The following DOCK2 variants were observed in gnomAD, a reference collection of about 807,000 sequenced individuals.
The protein encoded by DOCK2 is dedicator of cytokinesis 2.
In DOCK2, 87 loss-of-function variants were observed where a neutral mutation model predicts 248.9. That is an observed-to-expected ratio of 0.35 (90% CI 0.29 to 0.42). The LOEUF (loss-of-function observed/expected upper bound fraction) is 0.42. Among genes scored for constraint, DOCK2 ranks in the 10% least tolerant of loss-of-function variants. The probability of loss-of-function intolerance (pLI) is 1.00; values close to 1 mark genes in which losing one functional copy is unlikely to be tolerated. For synonymous variants in DOCK2, 805 were observed against 821.6 expected (o/e 0.98, Z 0.35); for missense variants, 1,747 against 2,300.2 (o/e 0.76, Z 4.92).
intron 50 of DOCK2, 85 bp downstream of exon 50, chr5:170,080,368 G>A (rs1008027666): frequency 2.5e-6 from 4 of 1,575,812 alleles, no homozygotes; most frequent in Non-Finnish European, 3.5e-6. Context: ...TGGGAACTGT[G>A]TCTACACAAC....
chr5:169,814,903 TC>T (rs1397387349), intron 26 of DOCK2, among the ~76,000 whole-genome samples: 1 of 152,114 alleles, frequency 6.6e-6, no homozygotes, highest in African/African-American at 2.4e-5. Context: ...ACTAGAAGGT[TC>T]CATTTGCAAA....
In DOCK2 at chr5:169,864,465, A is replaced by G. The variant is rs547481241; in HGVS notation, c.2799+23613A>G. On this transcript the variant is annotated intron_variant, in intron 27 of 51. Coordinates refer to ENST00000520908, the MANE Select transcript of DOCK2 (RefSeq NM_004946.3). ...GCCGAAAATCATACTCTACACTGAA[A>G]AACACAGAGAGGAAGGAAGGAAAGT... 4.5e-5 allele frequency: 69 copies of G among 1,520,242 alleles called. 1 individual carries two copies. In the South Asian group the frequency reaches 8.7e-4, roughly 19 times the overall value. The allele number at this position is 1,520,242 out of a possible 1,614,324, so 94.2% of individuals were successfully genotyped here.
intron 25 of DOCK2, among the ~76,000 whole-genome samples, chr5:169,787,317 G>A (rs1766046959): frequency 6.6e-6 from 1 of 152,160 alleles, no homozygotes; most frequent in South Asian, 2.1e-4. Flanking sequence ...TGGGCTGACG[G>A]GCTGTGCATG....
At chr5:169,890,001 AT>A (rs11327558) in intron 27 of DOCK2, among the ~76,000 whole-genome samples, 28,787 of 152,194 alleles carry the variant, frequency 0.19, 4,324 homozygotes, top group African/African-American at 0.42. Flanking sequence ...CTTATAAAGC[AT>A]TTTCAAATCC....
chr5:169,670,671 C>A lies in DOCK2; in HGVS notation c.224+74C>A, dbSNP rs1454453491. On this transcript the variant is annotated intron_variant, in intron 4 of 51. Transcript: ENST00000520908. ...TCTCTGTCCTGTTTATTTTGAAAATCTGACTTGGAAGAGCTGAGGGTTGCT... is the reference window on the plus strand; with the variant it reads ...TCTCTGTCCTGTTTATTTTGAAAATATGACTTGGAAGAGCTGAGGGTTGCT... 5 of 1,564,056 alleles carry A rather than the reference C, an allele frequency of 3.2e-6. No homozygotes were observed. The South Asian group carries it at 4.7e-5, about 15-fold the overall frequency.
intron 26 of DOCK2, among the ~76,000 whole-genome samples, chr5:169,828,325 A>T (rs1769005929): frequency 6.6e-6 from 1 of 152,204 alleles, no homozygotes; most frequent in Non-Finnish European, 1.5e-5. Flanking sequence ...GGTAGAATTA[A>T]TCCCTAAGCA....
At chr5:169,659,025 T>C (rs1307763761) in intron 2 of DOCK2, among the ~76,000 whole-genome samples, 1 of 125,302 alleles carries the variant, frequency 8.0e-6, no homozygotes, top group African/African-American at 2.9e-5. Flanking sequence ...TTATTATTAT[T>C]ATTATTATTG....
intron 49 of DOCK2, 200 bp from the exon 50 acceptor site, chr5:170,079,963 G>A (rs1434545072): frequency 8.4e-6 from 6 of 712,672 alleles, no homozygotes; most frequent in East Asian, 2.8e-5. Context: ...ACCCCCGCCT[G>A]TAGTTGTGTA....
At chr5:169,752,619 C>T (rs1763960051) in intron 23 of DOCK2, among the ~76,000 whole-genome samples, 1 of 151,834 alleles carries the variant, frequency 6.6e-6, no homozygotes, top group African/African-American at 2.4e-5. Context: ...GGGGGCCTGC[C>T]CATGCCTAGT....
Position 169,714,222 on chromosome 5 carries a change from C to A in DOCK2, c.1843+11C>A, listed in dbSNP as rs1561628473. On this transcript the variant is annotated intron_variant, in intron 18 of 51. Coordinates refer to ENST00000520908, the MANE Select transcript of DOCK2 (RefSeq NM_004946.3). ...AGCTCACTCAGAATGGTAATCGGGT[C>A]ATCAAGAGTTGTGTCTGTGGGGAGT... 6.2e-7 allele frequency: 1 copy of A among 1,602,454 alleles called. No individual in the cohort carries two copies. Among genetic ancestry groups the A allele is most frequent in the Non-Finnish European group, 8.5e-7 (1 of 1,172,076 alleles).
At chr5:169,707,280 A>G (rs1387147378) in intron 14 of DOCK2, among the ~76,000 whole-genome samples, 1 of 152,138 alleles carries the variant, frequency 6.6e-6, no homozygotes, top group African/African-American at 2.4e-5. Context: ...TATGGCAAGG[A>G]ATAAATGTCC....
intron 10 of DOCK2, 141 bp from the exon 11 acceptor site, chr5:169,698,233 A>C (rs1208507123): frequency 2.9e-6 from 2 of 687,452 alleles, no homozygotes; most frequent in Non-Finnish European, 5.1e-6. Context: ...GTTGTGCAGC[A>C]CTGGCTTGCT....
chr5:169,930,950 G>A (rs1164973541), intron 27 of DOCK2, among the ~76,000 whole-genome samples: 1 of 152,206 alleles, frequency 6.6e-6, no homozygotes, highest in Non-Finnish European at 1.5e-5. Context: ...TCATGGGCCA[G>A]TCCCTTTTAC....
intron 40 of DOCK2, among the ~76,000 whole-genome samples, chr5:170,048,146 C>G (rs1756781003): frequency 6.6e-6 from 1 of 152,196 alleles, no homozygotes; most frequent in Admixed American, 6.5e-5. Flanking sequence ...AATCCCAGCA[C>G]TTTGGGAGGC....
chr5:170,009,867 A>G (rs534143367), intron 32 of DOCK2, among the ~76,000 whole-genome samples: 1 of 152,334 alleles, frequency 6.6e-6, no homozygotes, highest in African/African-American at 2.4e-5. Context: ...AGAGAAGTAC[A>G]TGCTGGATAA....
intron 27 of DOCK2, among the ~76,000 whole-genome samples, chr5:169,882,025 G>T (rs935420753): frequency 2.0e-5 from 3 of 152,204 alleles, no homozygotes; most frequent in African/African-American, 7.2e-5. Flanking sequence ...TGTGCAAAAT[G>T]AATTGTGATC....
chr5:169,753,566 C>G (rs1269663733), intron 23 of DOCK2, among the ~76,000 whole-genome samples: 4 of 152,182 alleles, frequency 2.6e-5, no homozygotes, highest in Non-Finnish European at 5.9e-5. Context: ...ATTAGTATAT[C>G]TTGGATTTAA....
At position 169,712,167 on chromosome 5, in the gene DOCK2, A is replaced by T; in HGVS notation, c.1603A>T (p.Met535Leu). 2 of 1,614,124 alleles carry T rather than the reference A, an allele frequency of 1.2e-6. No individual in the cohort carries two copies. Among genetic ancestry groups the T allele is most frequent in the Non-Finnish European group, 1.7e-6 (2 of 1,179,960 alleles). Residue 535 changes from methionine (M) to leucine (L), a missense_variant, in exon 17 of 52, where the codon ATG becomes TTG. By Grantham distance (15) the Met-to-Leu change is conservative. Around this residue, in one of 4 missense-constraint regions of DOCK2, gnomAD observed 858 missense variants for 1,183.5 expected, o/e 0.72. Transcript: ENST00000520908. ...CTTTGCCATGTCCTATGTGAAGCTG[A>T]TGAAAGAAGATGGGACTACTCTACA... is the stretch of plus-strand genomic sequence containing the variant. ...KNFAMSYVKL[M>L]KEDGTTLHDG...
chr5:170,058,439 AAATT>A, intron 44 of DOCK2, among the ~76,000 whole-genome samples: 1 of 152,338 alleles, frequency 6.6e-6, no homozygotes. Context: ...GTGATGGAAA[AAATT>A]AAAGCAGAAA....
Sources: allele counts gnomAD v4.1 joint callset (sites outside exome capture counted in the v4.1 genomes callset), GRCh38; gene constraint gnomAD v4.1.1; regional missense constraint gnomAD v4.1.1; transcripts MANE v1.5; gene names NCBI Gene and HGNC (gene_info 2026-07-23, HGNC 2026-07-21).